The following REV1 variants were observed in gnomAD, a reference collection of about 807,000 sequenced individuals.
The protein encoded by REV1 is translesion synthesis protein REV1.
In REV1, 42 loss-of-function variants were observed where a neutral mutation model predicts 137.4. That is an observed-to-expected ratio of 0.31 (90% CI 0.24 to 0.40). The LOEUF (loss-of-function observed/expected upper bound fraction) is 0.40. Among genes scored for constraint, REV1 ranks in the 10% least tolerant of loss-of-function variants. The probability of loss-of-function intolerance (pLI) is 1.00; values close to 1 mark genes in which losing one functional copy is unlikely to be tolerated. For missense variants in REV1, 1,282 were observed against 1,490.1 expected, an observed-to-expected ratio of 0.86 and a Z score of 2.30; for synonymous variants, 524 against 519.2, an observed-to-expected ratio of 1.01 and a Z score of -0.12.
intron 3 of REV1, chr2:99,451,345 C>T (rs1682901977): frequency 7.9e-7 from 1 of 1,261,850 alleles, no homozygotes; most frequent in Admixed American, 2.6e-5. Context: ...AAGTACTCAC[C>T]CGTCTACTAG....
At chr2:99,485,038 ACACAAAGCAG>A (rs1686996408) in intron 1 of REV1, among the ~76,000 whole-genome samples, 2 of 152,260 alleles carry the variant, frequency 1.3e-5, no homozygotes, top group African/African-American at 4.8e-5. Flanking sequence ...AAGAAATGTT[ACACAAAGCAG>A]CAGCCCTTTG....
In REV1 at chr2:99,400,494, TATTTTA is replaced by T. The variant is rs547476487; in HGVS notation, c.*741_*746del. On this transcript the variant is annotated 3_prime_UTR_variant, in exon 23 of 23. Transcript: ENST00000258428. ...CTAGCATAGAATTTTAAACTATTTT[TATTTTA>T]AAGTTATGGCATAACATATAACATA... The T allele has an allele frequency of 1.3e-5, 2 of 152,324 alleles. No individual in the cohort carries two copies. Among genetic ancestry groups the T allele is most frequent in the East Asian group, 3.9e-4 (2 of 5,190 alleles). The allele number at this position is 152,324 out of a possible 1,614,324, so 9.4% of individuals were successfully genotyped here.
intron 1 of REV1, among the ~76,000 whole-genome samples, chr2:99,482,904 C>G (rs1686769583): frequency 6.6e-6 from 1 of 151,810 alleles, no homozygotes; most frequent in Non-Finnish European, 1.5e-5. Flanking sequence ...GTAATCTCAA[C>G]CACTTGGGAG....
chr2:99,421,474 AG>A (rs1477534760), intron 11 of REV1, 24 bp downstream of exon 11: 1 of 1,585,308 alleles, frequency 6.3e-7, no homozygotes, highest in Non-Finnish European at 8.6e-7. Flanking sequence ...AACTCTTTTG[AG>A]TACAAGATAA....
chr2:99,408,184 G>T, intron 14 of REV1, 53 bp from the exon 15 acceptor site: 2 of 993,362 alleles, frequency 2.0e-6, no homozygotes, highest in Non-Finnish European at 3.1e-6. Context: ...GTATTCACTA[G>T]TACTAAAGTA....
At chr2:99,414,443 C>T (rs140536057) in intron 12 of REV1, among the ~76,000 whole-genome samples, 2 of 151,014 alleles carry the variant, frequency 1.3e-5, no homozygotes, top group Non-Finnish European at 2.9e-5. Flanking sequence ...CCAAAGACCC[C>T]GAGTTAACAA....
chr2:99,404,203 T>C lies in REV1; in HGVS notation c.3045+241A>G, dbSNP rs563233445. Among the ~76,000 whole-genome samples, 225 of 152,210 alleles carry C rather than the reference T, an allele frequency of 1.5e-3. 3 individuals are homozygous for C. The highest frequency in any genetic ancestry group is 5.3e-3 in the African/African-American group (221 of 41,540). ...GATGTGTTTGCCCCAGATCAGTGTG[T>C]TTCTGTCTTAGCATGCCCTCCCCCG... On this transcript the variant is annotated intron_variant, in intron 18 of 22. Coordinates refer to ENST00000258428, the MANE Select transcript of REV1 (RefSeq NM_016316.4).
intron 12 of REV1, among the ~76,000 whole-genome samples, chr2:99,416,130 G>A (rs985239480): frequency 2.0e-5 from 3 of 152,230 alleles, no homozygotes; most frequent in Non-Finnish European, 4.4e-5. Context: ...GGTTGGAGAT[G>A]GGGCAAGTTA....
intron 11 of REV1, among the ~76,000 whole-genome samples, chr2:99,420,534 C>T (rs1265190334): frequency 6.6e-6 from 1 of 152,248 alleles, no homozygotes; most frequent in African/African-American, 2.4e-5. Flanking sequence ...GGCGCTCCGT[C>T]TGCCACTCCT....
chr2:99,428,375 G>A (rs1048608273), intron 9 of REV1, among the ~76,000 whole-genome samples: 1 of 152,084 alleles, frequency 6.6e-6, no homozygotes, highest in South Asian at 2.1e-4. Context: ...AATTCAAAAC[G>A]TATTTGTATT....
chr2:99,451,435 C>T (rs891700894), intron 3 of REV1: 12 of 1,303,606 alleles, frequency 9.2e-6, no homozygotes, highest in African/African-American at 1.5e-5. Flanking sequence ...GTTAAGAGGG[C>T]TCTTTGAAGT....
Position 99,403,702 on chromosome 2 carries a change from G to C in REV1, c.3159C>G (p.Ser1053Arg). Residue 1053 changes from serine to arginine, a missense_variant, in exon 19 of 23, where the codon AGC becomes AGG. Physicochemically the swap from Ser to Arg is moderately radical, Grantham distance 110. Coordinates refer to ENST00000258428, the MANE Select transcript of REV1 (RefSeq NM_016316.4). Reference protein sequence around the residue: ...GENSTHQQSASASVPKNPLLH... With the variant: ...GENSTHQQSARASVPKNPLLH... ...GCCACTTCCAAGGCTCACCAGATGCGCTGGCTGACTGCTGGTGAGTGCTGT... is the reference window on the plus strand; with the variant it reads ...GCCACTTCCAAGGCTCACCAGATGCCCTGGCTGACTGCTGGTGAGTGCTGT... 1 of 1,614,086 alleles carries C rather than the reference G, an allele frequency of 6.2e-7. No individual in the cohort carries two copies.
intron 21 of REV1, 41 bp downstream of exon 21, chr2:99,402,603 T>C: frequency 1.3e-6 from 2 of 1,576,098 alleles, no homozygotes; most frequent in Non-Finnish European, 1.7e-6. Flanking sequence ...ATGAGACGAC[T>C]ACATCTCAGC....
intron 8 of REV1, among the ~76,000 whole-genome samples, chr2:99,433,308 G>C (rs1320528783): frequency 6.6e-6 from 1 of 152,026 alleles, no homozygotes; most frequent in African/African-American, 2.4e-5. Flanking sequence ...CAAAATTCTA[G>C]AATCTCAAAA....
intron 3 of REV1, among the ~76,000 whole-genome samples, chr2:99,457,136 A>T (rs980235680): frequency 2.0e-5 from 3 of 152,110 alleles, no homozygotes; most frequent in African/African-American, 4.8e-5. Flanking sequence ...AGGCTTAGAG[A>T]TTACTTTTTC....
chr2:99,484,047 T>G (rs1345176934), intron 1 of REV1, among the ~76,000 whole-genome samples: 1 of 152,188 alleles, frequency 6.6e-6, no homozygotes, highest in African/African-American at 2.4e-5. Flanking sequence ...ATCCCACCTA[T>G]GTGTTCCTCC....
At chr2:99,459,455 C>G (rs1177258845) in intron 3 of REV1, among the ~76,000 whole-genome samples, 1 of 152,244 alleles carries the variant, frequency 6.6e-6, no homozygotes, top group East Asian at 1.9e-4. Context: ...CATGTAATCT[C>G]CACACTTTGG....
chr2:99,427,026 T>G (rs1364777940), intron 9 of REV1, among the ~76,000 whole-genome samples: 1 of 151,864 alleles, frequency 6.6e-6, no homozygotes, highest in Non-Finnish European at 1.5e-5. Context: ...CTACTAAAAA[T>G]ACAAAAATTA....
At chr2:99,423,264 G>A (rs1678916143) in intron 10 of REV1, among the ~76,000 whole-genome samples, 1 of 152,148 alleles carries the variant, frequency 6.6e-6, no homozygotes, top group Non-Finnish European at 1.5e-5. Flanking sequence ...TCAAATTAAC[G>A]CATAAAAAGG....
Sources: gnomAD v4.1 joint callset for allele counts (sites outside exome capture counted in the v4.1 genomes callset) on GRCh38, gnomAD v4.1.1 for gene constraint, MANE v1.5 for transcripts, NCBI Gene and HGNC (gene_info 2026-07-23, HGNC 2026-07-21) for gene names.